The following TNFRSF18 variants were observed in gnomAD, a reference collection of about 807,000 sequenced individuals.
TNFRSF18 encodes the protein TNF receptor superfamily member 18.
A neutral mutation model predicts 30.2 loss-of-function variants in TNFRSF18; 36 were observed. The ratio of observed to expected loss-of-function variants is 1.19; its 90% CI spans 0.91 to 1.58. TNFRSF18 has a LOEUF of 1.58. Among genes scored for constraint, TNFRSF18 ranks in the 40% most tolerant of loss-of-function variants. The probability of loss-of-function intolerance (pLI) is 0.00; values close to 1 mark genes in which losing one functional copy is unlikely to be tolerated. For missense variants in TNFRSF18, 369 were observed against 345.4 expected (o/e 1.07, Z -0.54); for synonymous variants, 173 against 158.3 (o/e 1.09, Z -0.70).
chr1:1,204,532 T>G, intron 2 of TNFRSF18, 46 bp from the exon 3 acceptor site: 2 of 1,471,316 alleles, frequency 1.4e-6, no homozygotes, highest in East Asian at 2.3e-5. Context: ...CTGGTGGAGT[T>G]GCTGGGATGG....
chr1:1,204,546 A>C, intron 2 of TNFRSF18, 60 bp from the exon 3 acceptor site: 1 of 1,395,656 alleles, frequency 7.2e-7, no homozygotes, highest in Non-Finnish European at 1.0e-6. Context: ...GGGATGGATG[A>C]GGAGGGCGTC....
Position 1,205,384 on chromosome 1 carries a change from C to A in TNFRSF18, c.296G>T (p.Gly99Val). The change falls in exon 2 of 5, where the codon GGG (glycine) becomes GTG (valine). Residue 99 changes from glycine (G) to valine (V), a missense_variant. Gly to Val is a moderately radical substitution (Grantham distance 109). Transcript: ENST00000379268. ...CCAGGACTTACCCTGGGACTGTACC[C>A]CCTGGCCTGGGGGACAAGGGTGGTG... The part of the protein sequence containing the change: ...CRHHPCPPGQ[G>V]VQSQGKFSFG... 6.2e-7 allele frequency: 1 copy of A among 1,612,210 alleles called. No individual in the cohort carries two copies. The highest frequency in any genetic ancestry group is 8.5e-7 in the Non-Finnish European group (1 of 1,179,706).
At chr1:1,203,992 G>A (rs1648672715) in intron 4 of TNFRSF18, 24 bp from the exon 5 acceptor site, 3 of 1,607,096 alleles carry the variant, frequency 1.9e-6, no homozygotes, top group Non-Finnish European at 2.5e-6. Context: ...ACGGTCAGCA[G>A]GCAGCCATGC....
At position 1,204,122 on chromosome 1, in the gene TNFRSF18, CAGG is replaced by C; in HGVS notation, c.510_512del (p.Leu171del). On this transcript the variant is annotated inframe_deletion, in exon 4 of 5. Coordinates refer to ENST00000379268, the MANE Select transcript of TNFRSF18 (RefSeq NM_004195.3). ...GGAGGAGGACGCAGGCGGCCACGGC[CAGG>C]AGGACGACGGTCAGCCACCCAAGCG... is the stretch of plus-strand genomic sequence containing the variant. The C allele has an allele frequency of 2.5e-6, 4 of 1,611,470 alleles. No homozygotes were observed. The South Asian group carries it at 3.3e-5, about 13-fold the overall frequency.
chr1:1,205,341 G>A (rs760680995), intron 2 of TNFRSF18, 29 bp downstream of exon 2: 1 of 1,603,146 alleles, frequency 6.2e-7, no homozygotes, highest in South Asian at 1.1e-5. Flanking sequence ...TGGCCTGTGT[G>A]GACTCCCAGA....
At position 1,204,417 on chromosome 1, in the gene TNFRSF18, T is replaced by G. The variant is rs778586696; in HGVS notation, c.380A>C (p.His127Pro). 3.2e-5 allele frequency: 48 copies of G among 1,498,188 alleles called. No individual in the cohort carries two copies. Among genetic ancestry groups the G allele is most frequent in the Non-Finnish European group, 4.2e-5 (47 of 1,108,626 alleles). The allele number at this position is 1,498,188 out of a possible 1,614,324, so 92.8% of individuals were successfully genotyped here. A position where few individuals can be genotyped will look rare whatever the true frequency, so the allele number is the denominator to read the frequency against. ...GACTCACTCTGTCCAAGGTTTGCAG[T>G]GGCCTTCGTGGCCCCCGGAGAAGGT... ...SGTFSGGHEGHCKPWTDCTQF... is the reference protein window; with the variant it reads ...SGTFSGGHEGPCKPWTDCTQF... Residue 127 changes from histidine to proline, a missense_variant, in exon 3 of 5, where the codon CAC becomes CCC. By Grantham distance (77) the His-to-Pro change is moderately conservative (BLOSUM62 -2). Coordinates refer to ENST00000379268, the MANE Select transcript of TNFRSF18 (RefSeq NM_004195.3).
rs780902058 is a variant in TNFRSF18, at chr1:1,203,544, C to T, written c.*300G>A. ...GTGTTTATTGAAGGTCCCCTGCAGC[C>T]GGGTCCCGTGCTGGGCACTGCACAC... On this transcript the variant is annotated 3_prime_UTR_variant, in exon 5 of 5. Coordinates refer to ENST00000379268, the MANE Select transcript of TNFRSF18 (RefSeq NM_004195.3). 34 of 1,451,846 alleles carry T rather than the reference C, an allele frequency of 2.3e-5. No homozygotes were observed. Among genetic ancestry groups the T allele is most frequent in the African/African-American group, 1.9e-4 (13 of 69,594 alleles). 89.9% of individuals were successfully genotyped at this position (1,451,846 alleles called of 1,614,324 possible).
Position 1,204,133 on chromosome 1 carries a change from C to T in TNFRSF18, c.502G>A (p.Val168Ile), listed in dbSNP as rs756185727. 18 of 1,611,674 alleles carry T rather than the reference C, an allele frequency of 1.1e-5. No individual in the cohort carries two copies. The highest frequency in any genetic ancestry group is 5.3e-5 in the African/African-American group (4 of 74,944). ...PPAEPLGWLT[V>I]VLLAVAACVL... ...CAGGCGGCCACGGCCAGGAGGACGA[C>T]GGTCAGCCACCCAAGCGGCTCTGCC... is the stretch of plus-strand genomic sequence containing the variant. Residue 168 changes from valine to isoleucine, a missense_variant, in exon 4 of 5, where the codon GTC becomes ATC. Transcript: ENST00000379268.
In TNFRSF18 at chr1:1,206,384, C is replaced by T. The variant is rs1262557096; in HGVS notation, c.187+1G>A. ...GCGTTAAGTAAACGCGGTTTACTTACCCGGGTAATCGCGGCAGCAGCGCGT... is the reference window on the plus strand; with the variant it reads ...GCGTTAAGTAAACGCGGTTTACTTATCCGGGTAATCGCGGCAGCAGCGCGT... On this transcript the variant is annotated splice_donor_variant, in intron 1 of 4. Coordinates refer to ENST00000379268, the MANE Select transcript of TNFRSF18 (RefSeq NM_004195.3). LOFTEE classifies it high-confidence loss of function. 3.9e-6 allele frequency: 6 copies of T among 1,546,728 alleles called. No individual in the cohort carries two copies. Among genetic ancestry groups the T allele is most frequent in the East Asian group, 2.5e-5 (1 of 40,816 alleles).
rs1227461135 is a variant in TNFRSF18, at chr1:1,204,213, G to A, written c.422C>T (p.Thr141Ile). The change falls in exon 4 of 5, where the codon ACT (threonine) becomes ATT (isoleucine). Residue 141 changes from threonine (T) to isoleucine (I), a missense_variant. Coordinates refer to ENST00000379268, the MANE Select transcript of TNFRSF18 (RefSeq NM_004195.3). ...GTGGGTCTTGTTCCCAGGGAACACA[G>A]TGAGAAACCCGAACTGGGTGCAGCT... is the stretch of plus-strand genomic sequence containing the variant. ...WTDCTQFGFL[T>I]VFPGNKTHNA... is the part of the protein sequence containing the mutation. 6.2e-7 allele frequency: 1 copy of A among 1,611,728 alleles called. No homozygotes were observed. The highest frequency in any genetic ancestry group is 1.1e-5 in the South Asian group (1 of 90,890).
Position 1,203,682 on chromosome 1 carries a change from G to A in TNFRSF18, c.*162C>T, listed in dbSNP as rs200799216. ...CCTGCAGGGCCCAGCCGCGGCCGCCGAACTGCATGGTCCAGGGCGCTGGTC... is the reference window on the plus strand; with the variant it reads ...CCTGCAGGGCCCAGCCGCGGCCGCCAAACTGCATGGTCCAGGGCGCTGGTC... On this transcript the variant is annotated 3_prime_UTR_variant, in exon 5 of 5. Transcript: ENST00000379268. 1.2e-4 allele frequency: 182 copies of A among 1,552,860 alleles called. No homozygotes were observed. In the East Asian group the frequency reaches 1.3e-3, roughly 11 times the overall value.
rs138319744 is a variant in TNFRSF18, at chr1:1,205,420, G to A, written c.260C>T (p.Thr87Met). ...GGGACAAGGGTGGTGCCGGCAGGTC[G>A]TGCAGCAAGGGTCTCCGCAGTGGAA... ...PEFHCGDPCC[T>M]TCRHHPCPPG... Residue 87 changes from threonine to methionine, a missense_variant, in exon 2 of 5, where the codon ACG becomes ATG. Thr to Met is a moderately conservative substitution (Grantham distance 81). Transcript: ENST00000379268. 1.9e-5 allele frequency: 30 copies of A among 1,612,636 alleles called. No individual in the cohort carries two copies. The highest frequency in any genetic ancestry group is 8.3e-5 in the Admixed American group (5 of 59,994).
chr1:1,204,011 C>G, intron 4 of TNFRSF18, 23 bp downstream of exon 4: 1 of 1,608,040 alleles, frequency 6.2e-7, no homozygotes, highest in Non-Finnish European at 8.5e-7. Flanking sequence ...GCTCCCACCT[C>G]CCCGCACCAG....
rs747674738 is a variant in TNFRSF18, at chr1:1,204,489, G to C, written c.311-3C>G. 3.1e-6 allele frequency: 5 copies of C among 1,601,350 alleles called. No homozygotes were observed. In the South Asian group the frequency reaches 4.4e-5, roughly 14 times the overall value. ...CTGGAAGCCAAAACTGAATTTCCCT[G>C]GTGTGGGGTGTGGGGGGAGGGAGGG... On this transcript the variant is annotated splice_region_variant and splice_polypyrimidine_tract_variant and intron_variant, in intron 2 of 4. Coordinates refer to ENST00000379268, the MANE Select transcript of TNFRSF18 (RefSeq NM_004195.3).
At chr1:1,206,304 A>G (rs1168248993) in intron 1 of TNFRSF18, 81 bp downstream of exon 1, 1 of 1,473,254 alleles carries the variant, frequency 6.8e-7, no homozygotes, top group East Asian at 2.5e-5. Context: ...CGGTCTGAGC[A>G]CGGGAAGGGG....
chr1:1,205,278 C>G, intron 2 of TNFRSF18, 92 bp downstream of exon 2: 1 of 1,540,412 alleles, frequency 6.5e-7, no homozygotes, highest in South Asian at 1.2e-5. Context: ...CACCACATGT[C>G]CTCGCCGGAC....
chr1:1,206,394 CG>C lies in TNFRSF18; in HGVS notation c.177del (p.Asp60IlefsTer107). 1.3e-6 allele frequency: 2 copies of C among 1,547,124 alleles called. No individual in the cohort carries two copies. Among genetic ancestry groups the C allele is most frequent in the Non-Finnish European group, 1.7e-6 (2 of 1,146,162 alleles). The stretch of plus-strand genomic sequence containing the variant: ...AACGCGGTTTACTTACCCGGGTAAT[CG>C]CGGCAGCAGCGCGTCGTGTGAACCC... The part of the protein sequence containing the change: ...CCRVHTTRCC[R>X]DYPGEECCSE... On this transcript the variant is annotated frameshift_variant, in exon 1 of 5. Transcript: ENST00000379268. LOFTEE classifies it high-confidence loss of function.
chr1:1,203,641 G>A lies in TNFRSF18; in HGVS notation c.*203C>T. 1 of 1,547,492 alleles carries A rather than the reference G, an allele frequency of 6.5e-7. No homozygotes were observed. ...GCAAGGGAGGAAGGGGGCCATGACT[G>A]TGTCTCTCTCTCCCTCCTGCAGGGC... On this transcript the variant is annotated 3_prime_UTR_variant, in exon 5 of 5. Transcript: ENST00000379268.
At position 1,206,478 on chromosome 1, in the gene TNFRSF18, G is replaced by A. The variant is rs1490978308; in HGVS notation, c.94C>T (p.Pro32Ser). The A allele has an allele frequency of 1.9e-6, 3 of 1,546,356 alleles. No homozygotes were observed. Among genetic ancestry groups the A allele is most frequent in the Admixed American group, 2.0e-5 (1 of 50,886 alleles). Reference sequence around the variant, plus strand: ...AGGAGGCGCCCAGGGCCGCACCCGGGACCCCCGGTGGGGCGCTGACCCAGG... The same window carrying A: ...AGGAGGCGCCCAGGGCCGCACCCGGAACCCCCGGTGGGGCGCTGACCCAGG... ...LSLGQRPTGG[P>S]GCGPGRLLLG... The change falls in exon 1 of 5, where the codon CCC becomes TCC. Residue 32 changes from proline to serine, a missense_variant. Transcript: ENST00000379268.
Sources: gnomAD v4.1 joint callset for allele counts on GRCh38, gnomAD v4.1.1 for gene constraint, MANE v1.5 for transcripts, NCBI Gene and HGNC (gene_info 2026-07-23, HGNC 2026-07-21) for gene names.